USP7: variants seen among roughly 807,000 people sequenced by gnomAD.
USP7 encodes ubiquitin specific peptidase 7, also known as ubiquitin C-terminal hydrolase 7.
A neutral mutation model predicts 162.9 loss-of-function variants in USP7; 9 were observed. The observed-to-expected ratio is 0.06, with a 90% CI of 0.03 to 0.10. The LOEUF is 0.10. Ranked by LOEUF, USP7 falls within the 10% of genes least tolerant of loss-of-function variation. The pLI is 1.00. For missense variants in USP7, 715 were observed against 1,373.7 expected, an observed-to-expected ratio of 0.52 and a Z score of 7.58; for synonymous variants, 562 against 475.9, an observed-to-expected ratio of 1.18 and a Z score of -2.35.
At chr16:8,894,483 C>G in intron 30 of USP7, 67 bp downstream of exon 30, 1 of 1,543,408 alleles carries the variant, frequency 6.5e-7, no homozygotes. Context: ...CTGCCCCTCC[C>G]AGCCCCAGAC....
In USP7 at chr16:8,903,456, T is replaced by C. The variant is rs1211821093; in HGVS notation, c.1705-54A>G. On this transcript the variant is annotated intron_variant, in intron 15 of 30. Transcript: ENST00000344836. Reference sequence around the variant, plus strand: ...GACTTGACAACTGACAAAAAATGAGTCCACACTGAACACATTTAAACACTA... The same window carrying C: ...GACTTGACAACTGACAAAAAATGAGCCCACACTGAACACATTTAAACACTA... 7.6e-6 allele frequency: 12 copies of C among 1,584,980 alleles called. No individual in the cohort carries two copies. In the East Asian group the frequency reaches 2.0e-4, roughly 27 times the overall value.
rs145993314 is a variant in USP7, at chr16:8,894,869, G to T, written c.3040-14C>A. ...AAAATGCTCGCCCTAGAATGGCAAA[G>T]GACATGTGCTCACACAGTCACTCCC... On this transcript the variant is annotated splice_polypyrimidine_tract_variant and intron_variant, in intron 28 of 30. Transcript: ENST00000344836. The T allele has an allele frequency of 1.2e-6, 2 of 1,614,194 alleles. No individual in the cohort carries two copies. The highest frequency in any genetic ancestry group is 1.3e-5 in the African/African-American group (1 of 75,042).
chr16:8,957,387 G>T (rs557748681), intron 1 of USP7, among the ~76,000 whole-genome samples: 1 of 152,122 alleles, frequency 6.6e-6, no homozygotes, highest in Non-Finnish European at 1.5e-5. Context: ...TTGTTCTCCA[G>T]GATAAAACTT....
intron 11 of USP7, 87 bp downstream of exon 11, chr16:8,910,658 A>G (rs369258514): frequency 2.4e-4 from 299 of 1,254,570 alleles, no homozygotes; most frequent in Middle Eastern, 1.3e-3. Context: ...ATGAAAAGGC[A>G]CAAGCAAATT....
At chr16:8,910,335 T>A (rs1414341057) in intron 11 of USP7, among the ~76,000 whole-genome samples, 1 of 152,102 alleles carries the variant, frequency 6.6e-6, no homozygotes, top group East Asian at 1.9e-4. Context: ...CATTCTAAAG[T>A]CGTGATCCTC....
chr16:8,897,728 T>A (rs569023625), intron 25 of USP7, among the ~76,000 whole-genome samples: 163 of 59,044 alleles, frequency 2.8e-3, no homozygotes, highest in African/African-American at 6.0e-3. Flanking sequence ...AAAAAAAAAA[T>A]ATATATATAT....
At chr16:8,938,876 G>A (rs1036011329) in intron 1 of USP7, among the ~76,000 whole-genome samples, 8 of 152,168 alleles carry the variant, frequency 5.3e-5, no homozygotes, top group African/African-American at 1.9e-4. Flanking sequence ...ATAGGAAGAT[G>A]TGTGAAGATT....
rs1350187170 is a variant in USP7, at chr16:8,920,412, A to G, written c.558T>C (p.Asp186=). 8 of 1,613,708 alleles carry G rather than the reference A, an allele frequency of 5.0e-6. No individual in the cohort carries two copies. In the East Asian group the frequency reaches 6.7e-5, roughly 13 times the overall value. Residue 186 remains aspartate, a synonymous_variant, in exon 5 of 31, where the codon GAT becomes GAC. Transcript: ENST00000344836. ...CAAAGACTTCAAAGGTAACTTTGTCATCATCTATAAATCCTTTCTCAGGAT... is the reference window on the plus strand; with the variant it reads ...CAAAGACTTCAAAGGTAACTTTGTCGTCATCTATAAATCCTTTCTCAGGAT... ...VTDPEKGFID[D]DKVTFEVFVQ...
intron 1 of USP7, among the ~76,000 whole-genome samples, chr16:8,955,534 C>T (rs980418260): frequency 2.0e-4 from 31 of 151,982 alleles, no homozygotes; most frequent in African/African-American, 7.2e-4. Flanking sequence ...ATGGGGAAAC[C>T]GTCTCTACTA....
intron 13 of USP7, among the ~76,000 whole-genome samples, chr16:8,905,834 T>C (rs1024327397): frequency 4.6e-5 from 7 of 152,214 alleles, no homozygotes; most frequent in Admixed American, 1.3e-4. Flanking sequence ...CCCATCTGCG[T>C]TGTGGATGCA....
chr16:8,902,218 G>C (rs778455675), intron 17 of USP7, 31 bp from the exon 18 acceptor site: 15 of 1,608,394 alleles, frequency 9.3e-6, no homozygotes, highest in Non-Finnish European at 1.3e-5. Flanking sequence ...GATTTTAGAA[G>C]AGTCTAATGG....
intron 1 of USP7, among the ~76,000 whole-genome samples, chr16:8,950,638 T>C (rs898338380): frequency 1.6e-4 from 25 of 152,328 alleles, no homozygotes; most frequent in South Asian, 4.1e-4. Flanking sequence ...AACCCAGCCC[T>C]GTCTGCCACG....
intron 18 of USP7, chr16:8,901,860 C>A (rs1460317126): frequency 3.5e-6 from 2 of 564,438 alleles, no homozygotes; most frequent in Non-Finnish European, 6.3e-6. Flanking sequence ...GAAGACAGAA[C>A]AGGACGGCCC....
At chr16:8,933,468 A>T (rs1035108978) in intron 1 of USP7, among the ~76,000 whole-genome samples, 16 of 152,238 alleles carry the variant, frequency 1.1e-4, no homozygotes, top group African/African-American at 3.9e-4. Flanking sequence ...TTGAAATAGA[A>T]ATATATAATT....
At chr16:8,934,147 A>G (rs1251879069) in intron 1 of USP7, among the ~76,000 whole-genome samples, 2 of 152,240 alleles carry the variant, frequency 1.3e-5, no homozygotes, top group South Asian at 2.1e-4. Context: ...GCTTTAAAAC[A>G]TGGTTTTAAT....
At chr16:8,897,305 C>G (rs2061697669) in intron 25 of USP7, 1 of 533,742 alleles carries the variant, frequency 1.9e-6, no homozygotes, top group Admixed American at 3.4e-5. Flanking sequence ...CAACCAAATA[C>G]TGACGGGAGG....
chr16:8,946,705 A>G (rs1001391083), intron 1 of USP7, among the ~76,000 whole-genome samples: 22 of 152,298 alleles, frequency 1.4e-4, no homozygotes, highest in African/African-American at 5.3e-4. Context: ...CCAGCCCCAC[A>G]CACCAGCAGA....
At chr16:8,926,251 G>A (rs554550799) in intron 2 of USP7, among the ~76,000 whole-genome samples, 1 of 152,288 alleles carries the variant, frequency 6.6e-6, no homozygotes, top group South Asian at 2.1e-4. Flanking sequence ...GCAGAGGCGG[G>A]CGGATAACCT....
Position 8,892,203 on chromosome 16 carries a change from T to G in USP7, c.*1795A>C, listed in dbSNP as rs1305817572. The G allele has an allele frequency of 2.0e-5, 3 of 152,278 alleles. No individual in the cohort carries two copies. Among genetic ancestry groups the G allele is most frequent in the African/African-American group, 7.2e-5 (3 of 41,454 alleles). The allele number at this position is 152,278 out of a possible 1,614,324, so 9.4% of individuals were successfully genotyped here. ...AACAAAAACAAGACACCTTAATGTTTGTTCAAAGACAAACCCACAGCGAAC... is the reference window on the plus strand; with the variant it reads ...AACAAAAACAAGACACCTTAATGTTGGTTCAAAGACAAACCCACAGCGAAC... On this transcript the variant is annotated 3_prime_UTR_variant, in exon 31 of 31. Transcript: ENST00000344836.
Sources: gnomAD v4.1 joint callset for allele counts (sites outside exome capture counted in the v4.1 genomes callset) on GRCh38, gnomAD v4.1.1 for gene constraint, MANE v1.5 for transcripts, NCBI Gene and HGNC (gene_info 2026-07-23, HGNC 2026-07-21) for gene names.